The following THSD4 variants were observed in gnomAD, a reference collection of about 807,000 sequenced individuals.
The protein encoded by THSD4 is thrombospondin type 1 domain containing 4, also known as thrombospondin type-1 domain-containing protein 4.
Under a neutral mutation model 119.0 loss-of-function variants are expected in THSD4, and 69 were observed. That is an observed-to-expected ratio of 0.58 (90% CI 0.48 to 0.71). The LOEUF is 0.71. THSD4 is among the 30% of genes least tolerant of loss of function. THSD4 has a pLI of 0.00. For missense variants in THSD4, 1,393 were observed against 1,391.1 expected, an observed-to-expected ratio of 1.00 and a Z score of -0.02; for synonymous variants, 524 against 540.4, an observed-to-expected ratio of 0.97 and a Z score of 0.42.
chr15:71,343,859 T>TGC (rs374557994), intron 6 of THSD4, among the ~76,000 whole-genome samples: 92 of 151,148 alleles, frequency 6.1e-4, no homozygotes, highest in African/African-American at 2.1e-3. Context: ...ACTACAGGCA[T>TGC]GCACCACCAC....
chr15:71,470,547 C>T (rs968459114), intron 7 of THSD4, among the ~76,000 whole-genome samples: 9 of 152,092 alleles, frequency 5.9e-5, no homozygotes, highest in Admixed American at 2.6e-4. Context: ...GTATTATCAC[C>T]GTTTCATAGG....
intron 6 of THSD4, among the ~76,000 whole-genome samples, chr15:71,368,286 G>C (rs985187716): frequency 7.9e-5 from 12 of 152,084 alleles, no homozygotes; most frequent in African/African-American, 2.7e-4. Context: ...CTCTTTAGTT[G>C]AATTAGATCC....
intron 7 of THSD4, among the ~76,000 whole-genome samples, chr15:71,545,561 C>T (rs2048824964): frequency 6.6e-6 from 1 of 152,172 alleles, no homozygotes; most frequent in Admixed American, 6.5e-5. Context: ...AGTTTCCCAA[C>T]CCCTGGCTAG....
At chr15:71,426,900 A>T (rs1346891703) in intron 7 of THSD4, among the ~76,000 whole-genome samples, 1 of 152,198 alleles carries the variant, frequency 6.6e-6, no homozygotes, top group East Asian at 1.9e-4. Flanking sequence ...TTAAATATAT[A>T]CAAGAATGGA....
In THSD4 at chr15:71,332,892, A is replaced by ATTTTTT; in HGVS notation, c.1015+76188_1015+76193dup. The stretch of plus-strand genomic sequence containing the variant: ...TCTTAAAACATTGAGATTTTTTTAC[A>ATTTTTT]TTTTTTTTTTTTTTTTAGTTCATCA... On this transcript the variant is annotated intron_variant, in intron 6 of 17. Transcript: ENST00000261862. Among the ~76,000 whole-genome samples the ATTTTTT allele has an allele frequency of 3.3e-3, 257 of 77,012 alleles. 45 individuals are homozygous for ATTTTTT. In the South Asian group the frequency reaches 0.073, roughly 22 times the overall value. 50.5% of individuals were successfully genotyped at this position (77,012 alleles called of 152,430 possible).
At chr15:71,343,217 CTAGT>C (rs1442077660) in intron 6 of THSD4, among the ~76,000 whole-genome samples, 3 of 151,986 alleles carry the variant, frequency 2.0e-5, no homozygotes, top group African/African-American at 7.3e-5. Context: ...GACCCTATCT[CTAGT>C]AGGTAGGTAG....
chr15:71,330,483 A>G (rs2045407298), intron 6 of THSD4, among the ~76,000 whole-genome samples: 3 of 152,150 alleles, frequency 2.0e-5, no homozygotes, highest in Admixed American at 1.3e-4. Context: ...CAGGATTGTG[A>G]TTCGTTGGGA....
intron 7 of THSD4, among the ~76,000 whole-genome samples, chr15:71,642,260 G>C (rs1347938073): frequency 6.6e-6 from 1 of 152,116 alleles, no homozygotes; most frequent in Non-Finnish European, 1.5e-5. Flanking sequence ...TAAGAGTCTA[G>C]GTTCTTTTAG....
intron 3 of THSD4, among the ~76,000 whole-genome samples, chr15:71,180,614 A>T (rs2043509893): frequency 6.6e-6 from 1 of 152,218 alleles, no homozygotes; most frequent in Non-Finnish European, 1.5e-5. Flanking sequence ...TACTGATATA[A>T]GCAACAACCG....
intron 1 of THSD4, among the ~76,000 whole-genome samples, chr15:71,138,289 C>T (rs1207467395): frequency 2.6e-5 from 4 of 152,094 alleles, no homozygotes; most frequent in East Asian, 1.9e-4. Flanking sequence ...TGTGGGCACT[C>T]GCTCCCTATC....
intron 10 of THSD4, among the ~76,000 whole-genome samples, chr15:71,735,370 A>T (rs996186615): frequency 7.9e-5 from 12 of 151,930 alleles, no homozygotes; most frequent in Non-Finnish European, 2.9e-5. Flanking sequence ...TGGTACACCT[A>T]AGGATCCATG....
chr15:71,384,698 C>T (rs951219041), intron 6 of THSD4, among the ~76,000 whole-genome samples: 1 of 152,220 alleles, frequency 6.6e-6, no homozygotes, highest in Non-Finnish European at 1.5e-5. Flanking sequence ...CTGGAGCCCA[C>T]ATTTTAAAAT....
intron 2 of THSD4, among the ~76,000 whole-genome samples, chr15:71,143,269 G>A (rs2040622516): frequency 6.6e-6 from 1 of 152,064 alleles, no homozygotes; most frequent in Non-Finnish European, 1.5e-5. Flanking sequence ...TAGCATGTGT[G>A]CTTTTTTAAA....
At chr15:71,678,499 C>CGAA (rs1298555145) in intron 8 of THSD4, among the ~76,000 whole-genome samples, 4 of 152,126 alleles carry the variant, frequency 2.6e-5, no homozygotes, top group Non-Finnish European at 5.9e-5. Flanking sequence ...CCTTACTTTC[C>CGAA]CATGGAAGAA....
chr15:71,433,450 T>C lies in THSD4; in HGVS notation c.1152+21627T>C, dbSNP rs551793491. Among the ~76,000 whole-genome samples the C allele has an allele frequency of 9.3e-5, 14 of 150,100 alleles. No individual in the cohort carries two copies. The South Asian group carries it at 3.0e-3, about 32-fold the overall frequency. ...AACTAGCCATTTAAGTTAACTTTTTTTCTTTGTTTTTTTTTTTTTGGTTTG... is the reference window on the plus strand; with the variant it reads ...AACTAGCCATTTAAGTTAACTTTTTCTCTTTGTTTTTTTTTTTTTGGTTTG... On this transcript the variant is annotated intron_variant, in intron 7 of 17. Coordinates refer to ENST00000261862, the MANE Select transcript of THSD4 (RefSeq NM_024817.3).
chr15:71,623,865 G>A (rs958980495), intron 7 of THSD4, among the ~76,000 whole-genome samples: 1 of 151,270 alleles, frequency 6.6e-6, no homozygotes, highest in Non-Finnish European at 1.5e-5. Context: ...GGAGGTTGCA[G>A]TGAGCCGAGA....
intron 6 of THSD4, among the ~76,000 whole-genome samples, chr15:71,401,650 G>T (rs1224205710): frequency 6.6e-6 from 1 of 152,070 alleles, no homozygotes; most frequent in Non-Finnish European, 1.5e-5. Context: ...TTACACTGTT[G>T]GTGGGAGTGT....
chr15:71,217,345 C>T (rs1034136658), intron 4 of THSD4, among the ~76,000 whole-genome samples: 8 of 151,994 alleles, frequency 5.3e-5, no homozygotes, highest in South Asian at 2.1e-4. Context: ...AGGCCAGGTG[C>T]GTTGGCTCAC....
chr15:71,615,655 T>A (rs2050307649), intron 7 of THSD4, among the ~76,000 whole-genome samples: 1 of 152,114 alleles, frequency 6.6e-6, no homozygotes, highest in Non-Finnish European at 1.5e-5. Flanking sequence ...GTTAACAATG[T>A]CAAAGGGAAA....
Sources: gnomAD v4.1 joint callset for allele counts (sites outside exome capture counted in the v4.1 genomes callset) on GRCh38, gnomAD v4.1.1 for gene constraint, MANE v1.5 for transcripts, NCBI Gene and HGNC (gene_info 2026-07-23, HGNC 2026-07-21) for gene names.